The following WDR72 variants were observed in gnomAD, a reference collection of about 807,000 sequenced individuals.
WDR72 encodes the protein WD repeat-containing protein 72.
Under a neutral mutation model 124.2 loss-of-function variants are expected in WDR72, and 120 were observed. The ratio of observed to expected loss-of-function variants is 0.97; its 90% CI spans 0.83 to 1.12. The LOEUF (loss-of-function observed/expected upper bound fraction) is 1.12. Among genes scored for constraint, WDR72 ranks in the 50% most tolerant of loss-of-function variants. The pLI is 0.00. For missense variants in WDR72, 1,387 were observed against 1,278.8 expected (o/e 1.08, Z -1.29); for synonymous variants, 452 against 441.7 (o/e 1.02, Z -0.29).
Position 53,535,853 on chromosome 15 carries a change from G to C in WDR72, c.3149-12531C>G, listed in dbSNP as rs527721659. Among the ~76,000 whole-genome samples the C allele has an allele frequency of 3.1e-3, 470 of 152,230 alleles. 1 individual carries two copies. The highest frequency in any genetic ancestry group is 6.8e-3 in the Middle Eastern group (2 of 294). On this transcript the variant is annotated intron_variant, in intron 18 of 19. Transcript: ENST00000360509. The stretch of plus-strand genomic sequence containing the variant: ...ATCCTGGCCTCCAGTCAGCCAGCTA[G>C]TTATCCATGGAAGTGGCTCAAGGCT...
At chr15:53,657,392 A>G (rs895558455) in intron 14 of WDR72, among the ~76,000 whole-genome samples, 1 of 151,998 alleles carries the variant, frequency 6.6e-6, no homozygotes, top group African/African-American at 2.4e-5. Context: ...AGGTTCTAAA[A>G]TATCTATAAA....
At chr15:53,607,363 C>T (rs2013330798) in intron 17 of WDR72, among the ~76,000 whole-genome samples, 1 of 152,024 alleles carries the variant, frequency 6.6e-6, no homozygotes, top group Non-Finnish European at 1.5e-5. Flanking sequence ...AACCTAGAAA[C>T]AAATCCATAC....
In WDR72 at chr15:53,635,258, A is replaced by G. The variant is rs1595809494; in HGVS notation, c.1963-19015T>C. Among the ~76,000 whole-genome samples, 15 of 152,354 alleles carry G rather than the reference A, an allele frequency of 9.8e-5. No homozygotes were observed. The South Asian group carries it at 2.7e-3, about 27-fold the overall frequency. Reference sequence around the variant, plus strand: ...CTGATGCCATTTTAACTGAAAAAAGACAAACGTAGGTAGAGAACTTAACAG... The same window carrying G: ...CTGATGCCATTTTAACTGAAAAAAGGCAAACGTAGGTAGAGAACTTAACAG... On this transcript the variant is annotated intron_variant, in intron 14 of 19. Transcript: ENST00000360509.
At chr15:53,523,465 A>C in intron 18 of WDR72, 143 bp from the exon 19 acceptor site, 1 of 782,242 alleles carries the variant, frequency 1.3e-6, no homozygotes, top group South Asian at 1.5e-5. Flanking sequence ...AATTGAAATA[A>C]AATGTATCCT....
At chr15:53,645,074 A>G (rs1289379320) in intron 14 of WDR72, among the ~76,000 whole-genome samples, 1 of 152,180 alleles carries the variant, frequency 6.6e-6, no homozygotes, top group Non-Finnish European at 1.5e-5. Context: ...TTTACTGTGT[A>G]TTCTTGCTAT....
chr15:53,541,633 G>A (rs1474782020), intron 18 of WDR72, among the ~76,000 whole-genome samples: 3 of 151,876 alleles, frequency 2.0e-5, no homozygotes, highest in Non-Finnish European at 4.4e-5. Flanking sequence ...ACGGAACAAA[G>A]CTGGATGGAG....
At chr15:53,757,082 G>A (rs2018928909) in intron 1 of WDR72, among the ~76,000 whole-genome samples, 1 of 152,126 alleles carries the variant, frequency 6.6e-6, no homozygotes, top group South Asian at 2.1e-4. Context: ...CGTGACACAT[G>A]TAAATAAAGA....
intron 1 of WDR72, among the ~76,000 whole-genome samples, chr15:53,738,572 A>G (rs894629995): frequency 4.6e-5 from 7 of 150,684 alleles, no homozygotes; most frequent in Middle Eastern, 6.8e-3. Flanking sequence ...ATAGATCACA[A>G]GCCTTTTTTT....
rs535357179 is a variant in WDR72 at position 53,703,193 on chromosome 15, C to T, written c.1349-839G>A. 1.4e-4 allele frequency among the ~76,000 whole-genome samples: 22 copies of T among 152,194 alleles called. No homozygotes were observed. The South Asian group carries it at 3.1e-3, about 22-fold the overall frequency. ...CCTTCCAAAGTGCTGGGATTACAGG[C>T]GGTAGCCACCGCGCCCAGCCCGTCA... is the stretch of plus-strand genomic sequence containing the variant. On this transcript the variant is annotated intron_variant, in intron 11 of 19. Coordinates refer to ENST00000360509, the MANE Select transcript of WDR72 (RefSeq NM_182758.4).
At chr15:53,644,715 C>T (rs1185380891) in intron 14 of WDR72, among the ~76,000 whole-genome samples, 5 of 152,050 alleles carry the variant, frequency 3.3e-5, no homozygotes, top group African/African-American at 7.2e-5. Context: ...TGCTGAAGAT[C>T]GTTGTTGGCA....
At chr15:53,651,618 C>T (rs2450826) in intron 14 of WDR72, among the ~76,000 whole-genome samples, 141,904 of 152,270 alleles carry the variant, frequency 0.93, 66,923 homozygotes, top group South Asian at 1. Context: ...TAAATAGTGG[C>T]AAAATAATTA....
intron 1 of WDR72, among the ~76,000 whole-genome samples, chr15:53,739,418 T>C (rs979365731): frequency 1.2e-4 from 18 of 152,098 alleles, no homozygotes; most frequent in African/African-American, 4.3e-4. Context: ...CAACCACCTG[T>C]CTGAATAAAA....
rs1166691347 is a variant in WDR72 at position 53,712,768 on chromosome 15, ATACCT to A, written c.710_711+3del. On this transcript the variant is annotated splice_donor_variant and splice_donor_region_variant and coding_sequence_variant and intron_variant, in exon 7 of 20. Coordinates refer to ENST00000360509, the MANE Select transcript of WDR72 (RefSeq NM_182758.4). LOFTEE classifies it high-confidence loss of function. ...CTGGTATTTATTATGTTACTTTATA[ATACCT>A]TCCAACATTTAGAAAATACCACCAA... 1.2e-6 allele frequency: 2 copies of A among 1,611,554 alleles called. No individual in the cohort carries two copies. The highest frequency in any genetic ancestry group is 4.5e-5 in the East Asian group (2 of 44,830).
At chr15:53,707,164 T>A (rs560101812) in intron 9 of WDR72, among the ~76,000 whole-genome samples, 16 of 152,288 alleles carry the variant, frequency 1.1e-4, no homozygotes, top group African/African-American at 3.9e-4. Context: ...AAAGTGATGC[T>A]TCCTAGTCAG....
intron 14 of WDR72, among the ~76,000 whole-genome samples, chr15:53,627,929 C>T (rs755098188): frequency 2.0e-5 from 3 of 152,124 alleles, no homozygotes; most frequent in Non-Finnish European, 4.4e-5. Flanking sequence ...GTTCTCCACT[C>T]AGCTAACTCA....
At position 53,548,204 on chromosome 15, in the gene WDR72, A is replaced by G. The variant is rs183522527; in HGVS notation, c.3149-24882T>C. The stretch of plus-strand genomic sequence containing the variant: ...TCTACCTAAATCATCTTTTCTTTCA[A>G]TAAAGTAGTGTGTGGTAGCACTGAA... On this transcript the variant is annotated intron_variant, in intron 18 of 19. Coordinates refer to ENST00000360509, the MANE Select transcript of WDR72 (RefSeq NM_182758.4). 8.5e-5 allele frequency among the ~76,000 whole-genome samples: 13 copies of G among 152,360 alleles called. No individual in the cohort carries two copies. The East Asian group carries it at 2.1e-3, about 25-fold the overall frequency.
intron 18 of WDR72, among the ~76,000 whole-genome samples, chr15:53,582,257 AT>A (rs2140319125): frequency 6.6e-6 from 1 of 152,104 alleles, no homozygotes; most frequent in South Asian, 2.1e-4. Flanking sequence ...AAGTAAAGTT[AT>A]TTTTTAAATC....
intron 13 of WDR72, among the ~76,000 whole-genome samples, chr15:53,690,116 A>G (rs2016789164): frequency 6.6e-6 from 1 of 150,914 alleles, no homozygotes; most frequent in African/African-American, 2.4e-5. Context: ...ACCTAATGCT[A>G]GATGACAAGT....
At chr15:53,759,664 CAGGCAGG>C (rs2019017444), upstream of WDR72, 7 of 152,368 alleles carry the variant, frequency 4.6e-5, no homozygotes, top group Admixed American at 4.6e-4. Flanking sequence ...CGGCAGAGGC[CAGGCAGG>C]CTGGCGGGTC....
Sources: gnomAD v4.1 joint callset for allele counts (sites outside exome capture counted in the v4.1 genomes callset) on GRCh38, gnomAD v4.1.1 for gene constraint, MANE v1.5 for transcripts, NCBI Gene and HGNC (gene_info 2026-07-23, HGNC 2026-07-21) for gene names.